The following EML5 variants were observed in gnomAD, a reference collection of about 807,000 sequenced individuals.
The protein encoded by EML5 is echinoderm microtubule-associated protein-like 5.
In EML5, 120 loss-of-function variants were observed where a neutral mutation model predicts 250.0. The ratio of observed to expected loss-of-function variants is 0.48; its 90% CI spans 0.41 to 0.56. The LOEUF is 0.56. EML5 is among the 20% of genes least tolerant of loss of function. EML5 has a pLI of 0.00. For synonymous variants in EML5, 771 were observed against 806.5 expected, an observed-to-expected ratio of 0.96 and a Z score of 0.75; for missense variants, 2,006 against 2,437.6, an observed-to-expected ratio of 0.82 and a Z score of 3.73.
In EML5 at chr14:88,754,628, C is replaced by T. The variant is rs376792888; in HGVS notation, c.241G>A (p.Val81Ile). 8.1e-6 allele frequency: 13 copies of T among 1,612,788 alleles called. No homozygotes were observed. In the African/African-American group the frequency reaches 1.3e-4, roughly 17 times the overall value. The part of the protein sequence containing the change: ...PERVLVATGQ[V>I]GKEPYICIWD... ...ATACAAATATAAGGCTCTTTCCCAA[C>T]TTGTCCTGTTGCTACCAACACTCGT... The change falls in exon 2 of 44, where the codon GTT becomes ATT. Residue 81 changes from valine (V) to isoleucine (I), a missense_variant. Val to Ile is a conservative substitution (Grantham distance 29). Coordinates refer to ENST00000554922, the MANE Select transcript of EML5 (RefSeq NM_183387.3).
intron 21 of EML5, among the ~76,000 whole-genome samples, chr14:88,674,762 G>A (rs2092556573): frequency 1.3e-5 from 2 of 152,310 alleles, no homozygotes; most frequent in South Asian, 4.1e-4. Flanking sequence ...GACAAGGCAA[G>A]TCCCTTCCAC....
chr14:88,667,242 T>C (rs1273173281), intron 21 of EML5, among the ~76,000 whole-genome samples: 1 of 152,222 alleles, frequency 6.6e-6, no homozygotes, highest in African/African-American at 2.4e-5. Context: ...TTGTTATATG[T>C]ATATCTTTAT....
At chr14:88,746,361 G>T (rs1195338659) in intron 2 of EML5, 78 bp from the exon 3 acceptor site, 4 of 1,155,912 alleles carry the variant, frequency 3.5e-6, no homozygotes, top group East Asian at 2.4e-5. Context: ...AAATAGCAAA[G>T]AAATTATACT....
intron 8 of EML5, among the ~76,000 whole-genome samples, chr14:88,716,822 G>A (rs1199504234): frequency 3.3e-5 from 5 of 151,516 alleles, no homozygotes; most frequent in South Asian, 2.1e-4. Flanking sequence ...GTATAATATC[G>A]CTCCGTCAAT....
At chr14:88,722,641 G>C (rs1030086936) in intron 8 of EML5, among the ~76,000 whole-genome samples, 1 of 152,082 alleles carries the variant, frequency 6.6e-6, no homozygotes, top group Non-Finnish European at 1.5e-5. Context: ...GGGAGCATTA[G>C]GAAAAATAGC....
At chr14:88,775,417 A>G (rs2094437522) in intron 1 of EML5, among the ~76,000 whole-genome samples, 4 of 152,138 alleles carry the variant, frequency 2.6e-5, no homozygotes, top group Admixed American at 2.6e-4. Context: ...ACCAGGCAGC[A>G]TTCACCACAA....
intron 21 of EML5, among the ~76,000 whole-genome samples, chr14:88,672,919 C>T (rs1483103595): frequency 2.0e-5 from 3 of 152,162 alleles, no homozygotes; most frequent in Non-Finnish European, 2.9e-5. Flanking sequence ...AAAAAGAGCC[C>T]AGGACCAGAC....
At chr14:88,763,202 A>T (rs2094271320) in intron 1 of EML5, among the ~76,000 whole-genome samples, 1 of 152,216 alleles carries the variant, frequency 6.6e-6, no homozygotes, top group Admixed American at 6.5e-5. Flanking sequence ...CTTTCAAAAA[A>T]TCAATGAATC....
At chr14:88,688,221 A>G (rs754386239) in intron 18 of EML5, 50 bp downstream of exon 18, 5 of 1,592,586 alleles carry the variant, frequency 3.1e-6, no homozygotes, top group Non-Finnish European at 4.3e-6. Flanking sequence ...AAAATGCTCT[A>G]CACTCCAGGA....
At position 88,615,905 on chromosome 14, in the gene EML5, C is replaced by A. The variant is rs151320955; in HGVS notation, c.5898-51G>T. The A allele has an allele frequency of 5.8e-4, 908 of 1,570,214 alleles. 11 individuals carry two copies. In the East Asian group the frequency reaches 0.019, roughly 33 times the overall value. ...GGAGTTAATTATGTTTTTAGATTTT[C>A]ATAACAGTTTAATATTTTTCAGTTG... is the stretch of plus-strand genomic sequence containing the variant. On this transcript the variant is annotated intron_variant, in intron 43 of 43. Transcript: ENST00000554922.
intron 21 of EML5, among the ~76,000 whole-genome samples, chr14:88,679,363 C>G (rs1567109931): frequency 6.6e-6 from 1 of 151,824 alleles, no homozygotes; most frequent in Admixed American, 6.6e-5. Context: ...CCTGGAAATG[C>G]TTTCTTTAAA....
intron 21 of EML5, among the ~76,000 whole-genome samples, chr14:88,674,079 G>C (rs2092537590): frequency 6.6e-6 from 1 of 152,124 alleles, no homozygotes; most frequent in Non-Finnish European, 1.5e-5. Context: ...GACCAGCCTG[G>C]CCAACATAGT....
At chr14:88,780,473 A>T (rs1330526526) in intron 1 of EML5, among the ~76,000 whole-genome samples, 1 of 152,228 alleles carries the variant, frequency 6.6e-6, no homozygotes, top group African/African-American at 2.4e-5. Flanking sequence ...AATAGAATAC[A>T]TACAAATGGA....
Position 88,722,937 on chromosome 14 carries a change from G to A in EML5, c.1187+3604C>T, listed in dbSNP as rs550220305. 2.0e-5 allele frequency among the ~76,000 whole-genome samples: 3 copies of A among 152,214 alleles called. No individual in the cohort carries two copies. In the South Asian group the frequency reaches 6.2e-4, roughly 32 times the overall value. Reference sequence around the variant, plus strand: ...TAAAATAAAAAAAATGTTCATAAGAGCTAAGAAAACATGGTGAGAGATTAT... The same window carrying A: ...TAAAATAAAAAAAATGTTCATAAGAACTAAGAAAACATGGTGAGAGATTAT... On this transcript the variant is annotated intron_variant, in intron 8 of 43. Transcript: ENST00000554922.
intron 21 of EML5, among the ~76,000 whole-genome samples, chr14:88,674,196 G>A (rs1202867248): frequency 6.6e-6 from 1 of 152,202 alleles, no homozygotes; most frequent in East Asian, 1.9e-4. Flanking sequence ...TTGAACCCAG[G>A]AGGTGGAGGT....
In EML5 at chr14:88,664,578, A is replaced by G; in HGVS notation, c.3324T>C (p.Asp1108=). Residue 1108 remains aspartate (D), a synonymous_variant, in exon 23 of 44, where the codon GAT becomes GAC. Coordinates refer to ENST00000554922, the MANE Select transcript of EML5 (RefSeq NM_183387.3). Reference sequence around the variant, plus strand: ...GTTTACTACTCATTACATTGTATATATCTATAAAGCTGTCATGGGATGCTA... The same window carrying G: ...GTTTACTACTCATTACATTGTATATGTCTATAAAGCTGTCATGGGATGCTA... ...LAVASHDSFI[D]IYNVMSSKRV... is the part of the protein sequence containing the mutation. 1 of 1,610,648 alleles carries G rather than the reference A, an allele frequency of 6.2e-7. No individual in the cohort carries two copies. Among genetic ancestry groups the G allele is most frequent in the Non-Finnish European group, 8.5e-7 (1 of 1,178,734 alleles).
Position 88,702,629 on chromosome 14 carries a change from G to T in EML5, c.2055C>A (p.Tyr685Ter). Residue 685 changes from tyrosine to a stop codon, truncating the protein, a stop_gained, in exon 14 of 44, where the codon TAC becomes TAA. Coordinates refer to ENST00000554922, the MANE Select transcript of EML5 (RefSeq NM_183387.3). LOFTEE classifies it high-confidence loss of function. ...NSIRLHFVHG[Y>*]RGYDCRSNLF... The stretch of plus-strand genomic sequence containing the variant: ...GATTACTTCGACAGTCATAACCTCT[G>T]TAACTAATATAGAAAACAAATCATA... 1 of 1,558,590 alleles carries T rather than the reference G, an allele frequency of 6.4e-7. No individual in the cohort carries two copies. Among genetic ancestry groups the T allele is most frequent in the Non-Finnish European group, 8.7e-7 (1 of 1,152,008 alleles).
At chr14:88,726,475 G>T in intron 8 of EML5, 66 bp downstream of exon 8, 1 of 1,390,898 alleles carries the variant, frequency 7.2e-7, no homozygotes, top group South Asian at 1.7e-5. Context: ...TCGCTGAAGA[G>T]AAAATTACTT....
rs865842560 is a variant in EML5, at chr14:88,741,098, G to C, written c.526-526C>G. Among the ~76,000 whole-genome samples the C allele has an allele frequency of 7.9e-5, 12 of 152,274 alleles. No individual in the cohort carries two copies. The South Asian group carries it at 8.3e-4, about 11-fold the overall frequency. On this transcript the variant is annotated intron_variant, in intron 4 of 43. Transcript: ENST00000554922. ...GAATCGCTTGATATCAAGAGGCAGA[G>C]GTTGCAGTGAGCCAAGAGTGTACCA...
Sources: gnomAD v4.1 joint callset for allele counts (sites outside exome capture counted in the v4.1 genomes callset) on GRCh38, gnomAD v4.1.1 for gene constraint, MANE v1.5 for transcripts, NCBI Gene and HGNC (gene_info 2026-07-23, HGNC 2026-07-21) for gene names.